PTGES3L: variants seen among roughly 807,000 people sequenced by gnomAD.
PTGES3L encodes putative protein PTGES3L.
In PTGES3L, 17 loss-of-function variants were observed where a neutral mutation model predicts 25.0. The ratio of observed to expected loss-of-function variants is 0.68; its 90% CI spans 0.47 to 1.02. PTGES3L has a LOEUF of 1.02. PTGES3L is among the 50% of genes least tolerant of loss of function. The pLI, the probability that PTGES3L is intolerant of heterozygous loss-of-function variation, is 0.00. For synonymous variants in PTGES3L, 59 were observed against 65.7 expected, an observed-to-expected ratio of 0.90 and a Z score of 0.50; for missense variants, 202 against 197.5, an observed-to-expected ratio of 1.02 and a Z score of -0.14.
Position 42,980,050 on chromosome 17 carries a change from C to T in PTGES3L, c.4G>A (p.Ala2Thr), listed in dbSNP as rs1452375704. 1.3e-6 allele frequency: 2 copies of T among 1,550,360 alleles called. No individual in the cohort carries two copies. Among genetic ancestry groups the T allele is most frequent in the African/African-American group, 2.7e-5 (2 of 73,036 alleles). The change falls in exon 1 of 7, where the codon GCA (alanine) becomes ACA (threonine). Residue 2 changes from alanine to threonine, a missense_variant. Physicochemically the swap from Ala to Thr is moderately conservative, Grantham distance 58. Coordinates refer to ENST00000591916, the MANE Select transcript of PTGES3L (RefSeq NM_001261430.2). Reference sequence around the variant, plus strand: ...ACCGGAGCCGGAAACACTCACCGTGCCATTGCGGCTCCCGCTCCAGGGTGG... The same window carrying T: ...ACCGGAGCCGGAAACACTCACCGTGTCATTGCGGCTCCCGCTCCAGGGTGG... M[A>T]RQHARTLWYD... is the part of the protein sequence containing the mutation.
chr17:42,977,252 C>T (rs1447139113), intron 4 of PTGES3L, among the ~76,000 whole-genome samples: 2 of 151,804 alleles, frequency 1.3e-5, no homozygotes, highest in African/African-American at 4.8e-5. Flanking sequence ...ATGGTGAAAC[C>T]CTGTCTCTAT....
At chr17:42,975,346 T>G (rs924624247) in intron 4 of PTGES3L, among the ~76,000 whole-genome samples, 2 of 151,664 alleles carry the variant, frequency 1.3e-5, no homozygotes, top group African/African-American at 4.8e-5. Flanking sequence ...ATTGGGTGGG[T>G]GAAGGTAGTA....
intron 4 of PTGES3L, among the ~76,000 whole-genome samples, chr17:42,973,250 C>T (rs1225333473): frequency 1.3e-5 from 2 of 148,428 alleles, no homozygotes; most frequent in African/African-American, 5.0e-5. Context: ...GTGGGGGGGT[C>T]AGCCCCCCGC....
In PTGES3L at chr17:42,979,164, A is replaced by C. The variant is rs1271067025; in HGVS notation, c.288+6T>G. 1 of 1,614,102 alleles carries C rather than the reference A, an allele frequency of 6.2e-7. No homozygotes were observed. ...AGAAGAAGCAGGCCACTTTCCACACACCCACCTTGATATCCTCCTTGGTAA... is the reference window on the plus strand; with the variant it reads ...AGAAGAAGCAGGCCACTTTCCACACCCCCACCTTGATATCCTCCTTGGTAA... On this transcript the variant is annotated splice_donor_region_variant and intron_variant, in intron 4 of 6. Transcript: ENST00000591916.
intron 4 of PTGES3L, among the ~76,000 whole-genome samples, chr17:42,973,951 C>T (rs1457107021): frequency 7.2e-6 from 1 of 138,730 alleles, no homozygotes; most frequent in African/African-American, 2.7e-5. Flanking sequence ...CATGACCCTG[C>T]CAAATCCCCC....
Position 42,979,661 on chromosome 17 carries a change from T to C in PTGES3L, c.11A>G (p.Gln4Arg). The change falls in exon 2 of 7, where the codon CAG becomes CGG. Residue 4 changes from glutamine to arginine, a missense_variant and splice_region_variant. Coordinates refer to ENST00000591916, the MANE Select transcript of PTGES3L (RefSeq NM_001261430.2). MAR[Q>R]HARTLWYDRP... ...GTCGTACCACAAGGTCCGGGCGTGCTGCCTGAAGAGAAGTTGAGGTGTGGC... is the reference window on the plus strand; with the variant it reads ...GTCGTACCACAAGGTCCGGGCGTGCCGCCTGAAGAGAAGTTGAGGTGTGGC... The C allele has an allele frequency of 6.2e-7, 1 of 1,613,732 alleles. No individual in the cohort carries two copies. Among genetic ancestry groups the C allele is most frequent in the Non-Finnish European group, 8.5e-7 (1 of 1,179,860 alleles).
chr17:42,969,593 G>A (rs571968450), intron 6 of PTGES3L, among the ~76,000 whole-genome samples: 2 of 151,512 alleles, frequency 1.3e-5, no homozygotes, highest in South Asian at 4.2e-4. Context: ...GTAGAGACAG[G>A]GTTTTGCCCT....
chr17:42,970,397 T>C, intron 5 of PTGES3L, 55 bp from the exon 6 acceptor site: 1 of 1,599,196 alleles, frequency 6.3e-7, no homozygotes, highest in Non-Finnish European at 8.6e-7. Context: ...AAGAACAATC[T>C]GCACATTGAT....
At position 42,971,872 on chromosome 17, in the gene PTGES3L, T is replaced by C. The variant is rs1452397802; in HGVS notation, c.289-176A>G. ...GCCAATCTACACACAAAGCTAGGCATGATAGAGTCTGAAAATCTCAGAAGT... is the reference window on the plus strand; with the variant it reads ...GCCAATCTACACACAAAGCTAGGCACGATAGAGTCTGAAAATCTCAGAAGT... On this transcript the variant is annotated intron_variant, in intron 4 of 6. Coordinates refer to ENST00000591916, the MANE Select transcript of PTGES3L (RefSeq NM_001261430.2). 52 of 590,118 alleles carry C rather than the reference T, an allele frequency of 8.8e-5. No individual in the cohort carries two copies. The South Asian group carries it at 9.6e-4, about 11-fold the overall frequency. 36.6% of individuals were successfully genotyped at this position (590,118 alleles called of 1,614,324 possible). A position where few individuals can be genotyped will look rare whatever the true frequency, so the allele number is the denominator to read the frequency against.
rs2049775877 is a variant in PTGES3L, at chr17:42,968,700, T to A, written c.*448A>T. The A allele has an allele frequency of 6.5e-6, 1 of 154,334 alleles. No individual in the cohort carries two copies. Among genetic ancestry groups the A allele is most frequent in the Non-Finnish European group, 1.4e-5 (1 of 69,612 alleles). The allele number at this position is 154,334 out of a possible 1,614,324, so 9.6% of individuals were successfully genotyped here. A position where few individuals can be genotyped will look rare whatever the true frequency, so the allele number is the denominator to read the frequency against. Reference sequence around the variant, plus strand: ...AGAAGAGGCTTGCCACCAGGAGGAATAAGTACAAGAAGGAAACAGACAGAG... The same window carrying A: ...AGAAGAGGCTTGCCACCAGGAGGAAAAAGTACAAGAAGGAAACAGACAGAG... On this transcript the variant is annotated 3_prime_UTR_variant, in exon 7 of 7. Coordinates refer to ENST00000591916, the MANE Select transcript of PTGES3L (RefSeq NM_001261430.2).
chr17:42,971,769 T>C, intron 4 of PTGES3L, 73 bp from the exon 5 acceptor site: 1 of 1,524,960 alleles, frequency 6.6e-7, no homozygotes, highest in Non-Finnish European at 9.1e-7. Context: ...TGTGGGCATA[T>C]GCATGGGAGC....
chr17:42,979,596 T>C lies in PTGES3L; in HGVS notation c.76A>G (p.Ser26Gly), dbSNP rs149587157. The C allele has an allele frequency of 6.8e-4, 1,095 of 1,614,146 alleles. 7 individuals carry two copies. In the African/African-American group the frequency reaches 0.013, roughly 19 times the overall value. ...TCAATAAGCACGTGGACATCGGTGCTGTCCTCAACACAAAACTCCATGAAC... is the reference window on the plus strand; with the variant it reads ...TCAATAAGCACGTGGACATCGGTGCCGTCCTCAACACAAAACTCCATGAAC... ...YVFMEFCVED[S>G]TDVHVLIEDH... Residue 26 changes from serine (S) to glycine (G), a missense_variant, in exon 2 of 7, where the codon AGC (serine) becomes GGC (glycine). By Grantham distance (56) the Ser-to-Gly change is moderately conservative. Coordinates refer to ENST00000591916, the MANE Select transcript of PTGES3L (RefSeq NM_001261430.2).
rs770485374 is a variant in PTGES3L, at chr17:42,979,517, G to A, written c.122+33C>T. 1.4e-5 allele frequency: 23 copies of A among 1,614,012 alleles called. No individual in the cohort carries two copies. The Admixed American group carries it at 3.8e-4, about 27-fold the overall frequency. On this transcript the variant is annotated intron_variant, in intron 2 of 6. Transcript: ENST00000591916. ...ACATTAGGAAAGGGGTAGATTCCTG[G>A]GAAGCCAGGCCCTCGGACGGCAGGG...
intron 5 of PTGES3L, among the ~76,000 whole-genome samples, chr17:42,970,676 G>GCACACACACACGCA (rs2049818269): frequency 6.9e-6 from 1 of 144,092 alleles, no homozygotes; most frequent in African/African-American, 2.6e-5. Flanking sequence ...CTTAACACGC[G>GCACACACACACGCA]CACACACACA....
chr17:42,979,850 A>C (rs1567726648), intron 1 of PTGES3L, 187 bp from the exon 2 acceptor site: 2 of 1,442,982 alleles, frequency 1.4e-6, no homozygotes, highest in Admixed American at 2.5e-5. Context: ...CCTGGGAAGA[A>C]TAGAACGTGC....
rs780365947 is a variant in PTGES3L at position 42,979,395 on chromosome 17, C to T, written c.172G>A (p.Ala58Thr). The T allele has an allele frequency of 1.9e-6, 3 of 1,614,140 alleles. No homozygotes were observed. The highest frequency in any genetic ancestry group is 2.5e-6 in the Non-Finnish European group (3 of 1,180,032). ...VELYNEIEFY[A>T]KVNSKDSQDK... ...ACCCTTACCTTGGAGTTCACTTTGGCATAGAACTCAATCTCATTGTACAAC... is the reference window on the plus strand; with the variant it reads ...ACCCTTACCTTGGAGTTCACTTTGGTATAGAACTCAATCTCATTGTACAAC... The change falls in exon 3 of 7, where the codon GCC (alanine) becomes ACC (threonine). Residue 58 changes from alanine (A) to threonine (T), a missense_variant. Ala to Thr is a moderately conservative substitution (Grantham distance 58). Coordinates refer to ENST00000591916, the MANE Select transcript of PTGES3L (RefSeq NM_001261430.2).
intron 6 of PTGES3L, among the ~76,000 whole-genome samples, chr17:42,969,492 C>T (rs1183270954): frequency 2.7e-5 from 4 of 149,836 alleles, no homozygotes; most frequent in African/African-American, 9.9e-5. Context: ...AGTGCAACCT[C>T]TGCCTCACAG....
chr17:42,973,431 C>T (rs1167469327), intron 4 of PTGES3L, among the ~76,000 whole-genome samples: 2 of 149,086 alleles, frequency 1.3e-5, no homozygotes, highest in South Asian at 2.1e-4. Context: ...CGCCTCTGCC[C>T]GGCCGCCCCT....
At position 42,979,558 on chromosome 17, in the gene PTGES3L, AATGCGGTG is replaced by A; in HGVS notation, c.106_113del (p.His36CysfsTer15). ...GACGGCAGGGCCACTACCTGAACAC[AATGCGGTG>A]ATCCTCAATAAGCACGTGGACATCG... is the stretch of plus-strand genomic sequence containing the variant. On this transcript the variant is annotated frameshift_variant, in exon 2 of 7. Coordinates refer to ENST00000591916, the MANE Select transcript of PTGES3L (RefSeq NM_001261430.2). LOFTEE classifies it high-confidence loss of function. The A allele has an allele frequency of 5.6e-6, 9 of 1,614,170 alleles. No homozygotes were observed. Among genetic ancestry groups the A allele is most frequent in the Non-Finnish European group, 7.6e-6 (9 of 1,180,038 alleles).
Sources: allele counts gnomAD v4.1 joint callset (sites outside exome capture counted in the v4.1 genomes callset), GRCh38; gene constraint gnomAD v4.1.1; transcripts MANE v1.5; gene names NCBI Gene and HGNC (gene_info 2026-07-23, HGNC 2026-07-21).